TTC7B: variants seen among roughly 807,000 people sequenced by gnomAD.
TTC7B encodes the protein tetratricopeptide repeat protein 7B.
In TTC7B, 28 loss-of-function variants were observed where a neutral mutation model predicts 106.8. The observed-to-expected ratio is 0.26, with a 90% CI of 0.19 to 0.36. TTC7B has a LOEUF of 0.36. TTC7B is among the 10% of genes least tolerant of loss of function. The pLI is 1.00. For synonymous variants in TTC7B, 405 were observed against 430.6 expected (o/e 0.94, Z 0.74); for missense variants, 862 against 1,076.4 (o/e 0.80, Z 2.79).
intron 15 of TTC7B, among the ~76,000 whole-genome samples, chr14:90,622,912 A>G (rs1455192439): frequency 6.6e-6 from 1 of 152,110 alleles, no homozygotes; most frequent in Non-Finnish European, 1.5e-5. Flanking sequence ...CTTAGCTACC[A>G]AAGGATTTGT....
chr14:90,586,324 G>A (rs1891712308), intron 18 of TTC7B, among the ~76,000 whole-genome samples: 2 of 152,186 alleles, frequency 1.3e-5, no homozygotes, highest in Admixed American at 1.3e-4. Flanking sequence ...AGGCTGGAGT[G>A]CAGTGGTGCG....
intron 15 of TTC7B, among the ~76,000 whole-genome samples, chr14:90,638,050 CTT>C (rs78198771): frequency 2.8e-5 from 4 of 144,062 alleles, no homozygotes; most frequent in Non-Finnish European, 4.6e-5. Flanking sequence ...TCTGGCTACC[CTT>C]TTTTTTTTTT....
At chr14:90,569,434 T>C (rs1014340705) in intron 19 of TTC7B, among the ~76,000 whole-genome samples, 1 of 152,110 alleles carries the variant, frequency 6.6e-6, no homozygotes, top group Non-Finnish European at 1.5e-5. Context: ...GAGTGACTAA[T>C]AGAAACTCCA....
At position 90,657,623 on chromosome 14, in the gene TTC7B, T is replaced by C. The variant is rs1417444977; in HGVS notation, c.1237-345A>G. Among the ~76,000 whole-genome samples, 10 of 152,374 alleles carry C rather than the reference T, an allele frequency of 6.6e-5. No homozygotes were observed. The highest frequency in any genetic ancestry group is 1.9e-4 in the East Asian group (1 of 5,190). ...TTTAAGGCACAAAATACTGAATTTC[T>C]GAATTCACTTAGCTCAAATAATCTT... On this transcript the variant is annotated intron_variant, in intron 10 of 19. Coordinates refer to ENST00000328459, the MANE Select transcript of TTC7B (RefSeq NM_001010854.2). The surrounding 1 kb of genome is among the most constrained non-coding windows in gnomAD (Gnocchi z 4.2).
chr14:90,548,528 C>A (rs1456706045), intron 19 of TTC7B, among the ~76,000 whole-genome samples: 1 of 152,230 alleles, frequency 6.6e-6, no homozygotes, highest in Non-Finnish European at 1.5e-5. Context: ...GCTTTTGACA[C>A]CATCTTGTGT....
In TTC7B at chr14:90,695,500, C is replaced by T. The variant is rs999444209; in HGVS notation, c.777G>A (p.Met259Ile). The T allele has an allele frequency of 1.9e-6, 3 of 1,588,718 alleles. No individual in the cohort carries two copies. Among genetic ancestry groups the T allele is most frequent in the African/African-American group, 2.7e-5 (2 of 74,104 alleles). The part of the protein sequence containing the change: ...VETRTTQNLR[M>I]TIARQLAEIL... ...CAATCAAGTCACTGTTCACACTTAC[C>T]ATTCGCAGGTTTTGAGTCGTTCTTG... Residue 259 changes from methionine to isoleucine, a missense_variant and splice_region_variant, in exon 6 of 20, where the codon ATG (methionine) becomes ATA (isoleucine). Physicochemically the swap from Met to Ile is conservative, Grantham distance 10. Coordinates refer to ENST00000328459, the MANE Select transcript of TTC7B (RefSeq NM_001010854.2).
At position 90,766,977 on chromosome 14, in the gene TTC7B, C is replaced by T. The variant is rs1035916864; in HGVS notation, c.445+13761G>A. ...GCCATGGCCGCACTGTGGGTGTGTC[C>T]AAGAAGAAATAAGTCTGTAGGCCTT... On this transcript the variant is annotated intron_variant, in intron 3 of 19. Transcript: ENST00000328459. 1.1e-5 allele frequency: 15 copies of T among 1,344,090 alleles called. No homozygotes were observed. The Admixed American group carries it at 2.6e-4, about 23-fold the overall frequency. The allele number at this position is 1,344,090 out of a possible 1,614,324, so 83.3% of individuals were successfully genotyped here.
At chr14:90,719,469 C>T (rs1349451772) in intron 5 of TTC7B, among the ~76,000 whole-genome samples, 3 of 152,182 alleles carry the variant, frequency 2.0e-5, no homozygotes, top group Admixed American at 6.5e-5. Flanking sequence ...TGTCTTTGGG[C>T]TTCCCTGAGT....
At chr14:90,580,929 T>C (rs1595176184) in intron 18 of TTC7B, among the ~76,000 whole-genome samples, 2 of 152,308 alleles carry the variant, frequency 1.3e-5, no homozygotes, top group Admixed American at 1.3e-4. Flanking sequence ...ATCTCATGGC[T>C]GTGGTTAGTG....
chr14:90,585,986 T>A (rs1031668975), intron 18 of TTC7B, among the ~76,000 whole-genome samples: 1 of 152,146 alleles, frequency 6.6e-6, no homozygotes, highest in Admixed American at 6.5e-5. Context: ...TTAAAAATCG[T>A]TATTTTAGTA....
In TTC7B at chr14:90,570,402, C is replaced by T. The variant is rs1200104463; in HGVS notation, c.2310+7704G>A. 1.3e-5 allele frequency among the ~76,000 whole-genome samples: 2 copies of T among 152,186 alleles called. No individual in the cohort carries two copies. Among genetic ancestry groups the T allele is most frequent in the African/African-American group, 4.8e-5 (2 of 41,448 alleles). ...GGCAGGAGCCCTGGCTGGAGAGAAACAGCTGGTTCTGATGACCTCTGCTCA... is the reference window on the plus strand; with the variant it reads ...GGCAGGAGCCCTGGCTGGAGAGAAATAGCTGGTTCTGATGACCTCTGCTCA... On this transcript the variant is annotated intron_variant, in intron 19 of 19. Transcript: ENST00000328459. The surrounding 1 kb of genome is among the most constrained non-coding windows in gnomAD (Gnocchi z 4.0).
rs1006565468 is a variant in TTC7B, at chr14:90,533,639, C to A, written c.*7729G>T. On this transcript the variant is annotated 3_prime_UTR_variant, in exon 20 of 20. Transcript: ENST00000328459. ...CCCCATCAGAGGTGACACGGCCAGG[C>A]AGAACTGGGATTCCAGCCAGATCTG... The A allele has an allele frequency of 3.9e-5, 6 of 152,386 alleles. No individual in the cohort carries two copies. Among genetic ancestry groups the A allele is most frequent in the Admixed American group, 3.3e-4 (5 of 15,292 alleles). The allele number at this position is 152,386 out of a possible 1,614,324, so 9.4% of individuals were successfully genotyped here.
chr14:90,693,976 G>A (rs531194032), intron 6 of TTC7B, among the ~76,000 whole-genome samples: 116 of 152,230 alleles, frequency 7.6e-4, no homozygotes, highest in African/African-American at 2.6e-3. Flanking sequence ...GCTGATGAAT[G>A]GACAAATAAA....
chr14:90,773,971 A>G (rs1890944811), intron 3 of TTC7B, among the ~76,000 whole-genome samples: 1 of 152,112 alleles, frequency 6.6e-6, no homozygotes, highest in Non-Finnish European at 1.5e-5. Context: ...GGCCACCTCA[A>G]AGAAAAAAAT....
At chr14:90,738,336 A>G (rs895089112) in intron 4 of TTC7B, among the ~76,000 whole-genome samples, 2 of 152,158 alleles carry the variant, frequency 1.3e-5, no homozygotes, top group Non-Finnish European at 2.9e-5. Flanking sequence ...GAGGCCGGGC[A>G]CGGTGGCTCA....
chr14:90,572,404 C>T (rs1401257897), intron 19 of TTC7B, among the ~76,000 whole-genome samples: 1 of 152,226 alleles, frequency 6.6e-6, no homozygotes, highest in Non-Finnish European at 1.5e-5. Flanking sequence ...CACCTCACAT[C>T]GTGGGGCCAT....
At chr14:90,797,939 G>A (rs187603957) in intron 1 of TTC7B, among the ~76,000 whole-genome samples, 4 of 152,298 alleles carry the variant, frequency 2.6e-5, no homozygotes, top group Admixed American at 2.0e-4. Context: ...CTGGCTGTAC[G>A]AAAGGCCATG....
At chr14:90,564,077 G>A (rs1890691085) in intron 19 of TTC7B, among the ~76,000 whole-genome samples, 1 of 151,494 alleles carries the variant, frequency 6.6e-6, no homozygotes, top group Non-Finnish European at 1.5e-5. Flanking sequence ...ATGGCATCTA[G>A]AATGCTGTAT....
At position 90,593,789 on chromosome 14, in the gene TTC7B, C is replaced by G. The variant is rs1892083503; in HGVS notation, c.1967-163G>C. On this transcript the variant is annotated intron_variant, in intron 17 of 19. Transcript: ENST00000328459. ...AACGCGGGCAATCACGGCCCGGGGC[C>G]TTAGTTTCCATCCTTGGGCTTTAGC... 5 of 601,450 alleles carry G rather than the reference C, an allele frequency of 8.3e-6. No homozygotes were observed. The South Asian group carries it at 1.5e-4, about 19-fold the overall frequency. The allele number at this position is 601,450 out of a possible 1,614,324, so 37.3% of individuals were successfully genotyped here. A position where few individuals can be genotyped will look rare whatever the true frequency, so the allele number is the denominator to read the frequency against.
Sources: gnomAD v4.1 joint callset for allele counts (sites outside exome capture counted in the v4.1 genomes callset) on GRCh38, gnomAD v4.1.1 for gene constraint, Gnocchi (gnomAD v3.1) non-coding constraint, MANE v1.5 for transcripts, NCBI Gene and HGNC (gene_info 2026-07-23, HGNC 2026-07-21) for gene names.